Variants in ASIC2 observed in about 807,000 individuals in gnomAD.
The protein encoded by ASIC2 is acid sensing ion channel subunit 2.
A neutral mutation model predicts 57.3 loss-of-function variants in ASIC2; 25 were observed. That is an observed-to-expected ratio of 0.44 (90% CI 0.32 to 0.61). The LOEUF (loss-of-function observed/expected upper bound fraction) is 0.61. ASIC2 is among the 20% of genes least tolerant of loss of function. The pLI is 0.06. For synonymous variants in ASIC2, 319 were observed against 307.5 expected, an observed-to-expected ratio of 1.04 and a Z score of -0.39; for missense variants, 641 against 738.1, an observed-to-expected ratio of 0.87 and a Z score of 1.52.
chr17:33,426,748 A>G (rs1402980744), intron 1 of ASIC2, among the ~76,000 whole-genome samples: 1 of 152,206 alleles, frequency 6.6e-6, no homozygotes, highest in African/African-American at 2.4e-5. Context: ...GCAGGCAGCA[A>G]ACAAAAGTCC....
intron 3 of ASIC2, among the ~76,000 whole-genome samples, chr17:33,059,133 G>T (rs1358148930): frequency 1.3e-5 from 2 of 151,988 alleles, no homozygotes; most frequent in Non-Finnish European, 2.9e-5. Flanking sequence ...CTGTTTTGAA[G>T]TATTAAACTC....
intron 1 of ASIC2, among the ~76,000 whole-genome samples, chr17:33,555,163 A>T (rs1268681346): frequency 1.3e-5 from 2 of 152,180 alleles, no homozygotes; most frequent in Non-Finnish European, 2.9e-5. Context: ...GGGTAACAGA[A>T]TGGTCCGTGG....
intron 2 of ASIC2, among the ~76,000 whole-genome samples, chr17:33,093,993 A>C (rs1029989168): frequency 2.0e-5 from 3 of 152,204 alleles, no homozygotes; most frequent in African/African-American, 7.2e-5. Context: ...AGCTCCCCAG[A>C]TAGCTTCAGA....
intron 1 of ASIC2, among the ~76,000 whole-genome samples, chr17:33,621,317 G>A (rs916270246): frequency 1.3e-5 from 2 of 152,172 alleles, no homozygotes; most frequent in Non-Finnish European, 1.5e-5. Context: ...ATACCATTTG[G>A]CATGTAGTAG....
intron 1 of ASIC2, among the ~76,000 whole-genome samples, chr17:33,950,303 C>A (rs1293535483): frequency 1.3e-5 from 2 of 152,214 alleles, no homozygotes; most frequent in Non-Finnish European, 2.9e-5. Flanking sequence ...GCCTACTCCT[C>A]CAGCTGGAGC....
At chr17:33,765,029 A>C (rs1910893730) in intron 1 of ASIC2, among the ~76,000 whole-genome samples, 1 of 151,908 alleles carries the variant, frequency 6.6e-6, no homozygotes, top group African/African-American at 2.4e-5. Context: ...CTTCTCCTAG[A>C]TAGTCTTTCT....
At chr17:33,803,760 C>T (rs896537530) in intron 1 of ASIC2, among the ~76,000 whole-genome samples, 2 of 151,980 alleles carry the variant, frequency 1.3e-5, no homozygotes, top group African/African-American at 2.4e-5. Context: ...AATTCACCAG[C>T]GGTAAGGAAG....
chr17:33,937,522 T>C (rs1319879474), intron 1 of ASIC2, among the ~76,000 whole-genome samples: 5 of 152,178 alleles, frequency 3.3e-5, no homozygotes, highest in Admixed American at 1.3e-4. Flanking sequence ...CTTGTGACTC[T>C]ACTAACATTT....
Position 33,099,600 on chromosome 17 carries a change from A to G in ASIC2, c.860-10610T>C, listed in dbSNP as rs147897121. The stretch of plus-strand genomic sequence containing the variant: ...GGGTAGTCTCATTACCAAAAGATTT[A>G]TCTCAAGCATTCTTTAAATAATGAG... On this transcript the variant is annotated intron_variant, in intron 2 of 9. Coordinates refer to ENST00000225823, the MANE Select transcript of ASIC2 (RefSeq NM_183377.2). Among the ~76,000 whole-genome samples the G allele has an allele frequency of 6.2e-3, 942 of 152,334 alleles. 7 individuals carry two copies. The highest frequency in any genetic ancestry group is 9.3e-3 in the Non-Finnish European group (630 of 68,024).
At chr17:33,395,544 C>T (rs367715649) in intron 1 of ASIC2, among the ~76,000 whole-genome samples, 4 of 152,306 alleles carry the variant, frequency 2.6e-5, no homozygotes, top group African/African-American at 9.6e-5. Flanking sequence ...TGTGGGAATT[C>T]GAGATGAGAT....
At chr17:33,499,588 G>A (rs1333436154) in intron 1 of ASIC2, among the ~76,000 whole-genome samples, 1 of 152,232 alleles carries the variant, frequency 6.6e-6, no homozygotes, top group African/African-American at 2.4e-5. Flanking sequence ...CTCCAGAACT[G>A]TGAGACAATA....
chr17:33,699,198 G>A (rs1908622191), intron 1 of ASIC2, among the ~76,000 whole-genome samples: 1 of 152,152 alleles, frequency 6.6e-6, no homozygotes. Context: ...GAGTCATGTG[G>A]AGAAGACATG....
At chr17:33,757,851 G>A (rs1429721293) in intron 1 of ASIC2, among the ~76,000 whole-genome samples, 1 of 152,206 alleles carries the variant, frequency 6.6e-6, no homozygotes, top group Non-Finnish European at 1.5e-5. Flanking sequence ...AGCTGTGTTG[G>A]CATTCCAGGC....
At chr17:33,653,784 G>A (rs1181662871) in intron 1 of ASIC2, among the ~76,000 whole-genome samples, 1 of 152,198 alleles carries the variant, frequency 6.6e-6, no homozygotes, top group East Asian at 1.9e-4. Flanking sequence ...CCCCAGAGCT[G>A]AGATCAGGAC....
intron 1 of ASIC2, among the ~76,000 whole-genome samples, chr17:33,669,653 C>T (rs1360144363): frequency 6.6e-6 from 1 of 152,210 alleles, no homozygotes; most frequent in Non-Finnish European, 1.5e-5. Flanking sequence ...AATATGGAAA[C>T]TTATGCCATT....
At chr17:33,055,057 T>TGGG (rs1180410982) in intron 3 of ASIC2, among the ~76,000 whole-genome samples, 1 of 152,212 alleles carries the variant, frequency 6.6e-6, no homozygotes, top group East Asian at 1.9e-4. Flanking sequence ...GGGTTGACAT[T>TGGG]GGGGTGGTTT....
At chr17:33,692,184 C>A (rs1402705596) in intron 1 of ASIC2, 1 of 152,076 alleles carries the variant, frequency 6.6e-6, no homozygotes. Flanking sequence ...TAATATCAAA[C>A]CTGCACCCCA....
intron 1 of ASIC2, among the ~76,000 whole-genome samples, chr17:33,564,789 G>A (rs936301920): frequency 4.6e-5 from 7 of 151,596 alleles, no homozygotes; most frequent in Non-Finnish European, 2.9e-5. Flanking sequence ...TGGGAATGGG[G>A]GCAAGGAACA....
intron 1 of ASIC2, among the ~76,000 whole-genome samples, chr17:33,321,978 C>A (rs1005813071): frequency 6.6e-6 from 1 of 152,182 alleles, no homozygotes; most frequent in African/African-American, 2.4e-5. Flanking sequence ...ACCTGAGACG[C>A]CATGGCTTCC....
Sources: allele counts gnomAD v4.1 joint callset (sites outside exome capture counted in the v4.1 genomes callset), GRCh38; gene constraint gnomAD v4.1.1; transcripts MANE v1.5; gene names NCBI Gene and HGNC (gene_info 2026-07-23, HGNC 2026-07-21).